Variants in TOR1AIP2 observed in about 807,000 individuals in gnomAD.
The protein encoded by TOR1AIP2 is torsin 1A interacting protein 2, also known as torsin-1A-interacting protein 2.
A neutral mutation model predicts 32.6 loss-of-function variants in TOR1AIP2; 20 were observed. The observed-to-expected ratio is 0.61, with a 90% CI of 0.43 to 0.89. The LOEUF is 0.89. Ranked by LOEUF, TOR1AIP2 falls within the 40% of genes least tolerant of loss-of-function variation. The probability of loss-of-function intolerance (pLI) is 0.00; values close to 1 mark genes in which losing one functional copy is unlikely to be tolerated. For missense variants in TOR1AIP2, 456 were observed against 553.8 expected (o/e 0.82, Z 1.77); for synonymous variants, 214 against 210.8 (o/e 1.02, Z -0.13).
At chr1:179,862,332 A>G in intron 3 of TOR1AIP2, 1 of 983,402 alleles carries the variant, frequency 1.0e-6, no homozygotes, top group Non-Finnish European at 1.2e-6. Context: ...TCATAATACT[A>G]TTCTCGAAAG....
chr1:179,867,685 A>G (rs1696838689), intron 2 of TOR1AIP2: 1 of 152,138 alleles, frequency 6.6e-6, no homozygotes, highest in African/African-American at 2.4e-5. Flanking sequence ...TATAGCAAAA[A>G]CCACTCCTCC....
At chr1:179,868,142 T>G (rs1441880065) in intron 2 of TOR1AIP2, 1 of 152,272 alleles carries the variant, frequency 6.6e-6, no homozygotes, top group African/African-American at 2.4e-5. Context: ...CCTATATCTC[T>G]GTTCATGTCA....
chr1:179,870,026 C>T (rs1696949356), intron 2 of TOR1AIP2, among the ~76,000 whole-genome samples: 1 of 152,104 alleles, frequency 6.6e-6, no homozygotes, highest in African/African-American at 2.4e-5. Context: ...AGAAATCACC[C>T]CTCATAATTT....
rs1006825668 is a variant in TOR1AIP2 at position 179,840,247 on chromosome 1, C to T, written c.*5824G>A. Reference sequence around the variant, plus strand: ...GTGCTCTCTGATGAACCAGGAGCAACTGCCTGGAGCTTTGTGTTGATGCGT... The same window carrying T: ...GTGCTCTCTGATGAACCAGGAGCAATTGCCTGGAGCTTTGTGTTGATGCGT... On this transcript the variant is annotated 3_prime_UTR_variant, in exon 7 of 7. Transcript: ENST00000609928. 2 of 152,208 alleles carry T rather than the reference C, an allele frequency of 1.3e-5. No individual in the cohort carries two copies. The highest frequency in any genetic ancestry group is 4.8e-5 in the African/African-American group (2 of 41,448). The allele number at this position is 152,208 out of a possible 1,614,324, so 9.4% of individuals were successfully genotyped here. A position where few individuals can be genotyped will look rare whatever the true frequency, so the allele number is the denominator to read the frequency against.
At chr1:179,867,940 T>G (rs1006261579) in intron 2 of TOR1AIP2, 2 of 152,168 alleles carry the variant, frequency 1.3e-5, no homozygotes, top group African/African-American at 4.8e-5. Context: ...CTCCAAATGC[T>G]CAAAATAATA....
chr1:179,849,135 C>CA (rs1696027668), intron 5 of TOR1AIP2, among the ~76,000 whole-genome samples: 1 of 149,192 alleles, frequency 6.7e-6, no homozygotes, highest in East Asian at 1.9e-4. Flanking sequence ...GACTCCATCT[C>CA]AAAAAAACAA....
rs551590889 is a variant in TOR1AIP2, at chr1:179,846,510, A to C, written c.974T>G (p.Val325Gly). The change falls in exon 7 of 7, where the codon GTC becomes GGC. Residue 325 changes from valine (V) to glycine (G), a missense_variant. Coordinates refer to ENST00000609928, the MANE Select transcript of TOR1AIP2 (RefSeq NM_001199260.2). Reference protein sequence around the residue: ...VADAYTSSQKVSPIQIDGAGR... With the variant: ...VADAYTSSQKGSPIQIDGAGR... ...AGCCCCATCAATCTGAATGGGAGAG[A>C]CTTTCTGGGAAGAGGTGTAGGCATC... is the stretch of plus-strand genomic sequence containing the variant. 1.9e-5 allele frequency: 30 copies of C among 1,614,078 alleles called. 2 individuals are homozygous for C. In the South Asian group the frequency reaches 3.2e-4, roughly 17 times the overall value.
At position 179,872,443 on chromosome 1, in the gene TOR1AIP2, C is replaced by CT. The variant is rs753602524; in HGVS notation, c.-566+4795dup. Among the ~76,000 whole-genome samples the CT allele has an allele frequency of 5.3e-4, 80 of 152,346 alleles. 1 individual carries two copies. Among genetic ancestry groups the CT allele is most frequent in the Non-Finnish European group, 9.4e-4 (64 of 68,030 alleles). On this transcript the variant is annotated intron_variant, in intron 2 of 6. Coordinates refer to ENST00000609928, the MANE Select transcript of TOR1AIP2 (RefSeq NM_001199260.2). ...AAATTTCTAAGTCTTGCCCACTCCT[C>CT]TGTACCATATCCACTGTCATAATAT...
intron 3 of TOR1AIP2, among the ~76,000 whole-genome samples, chr1:179,856,866 A>G (rs1696322116): frequency 6.6e-6 from 1 of 152,182 alleles, no homozygotes. Context: ...TGCCCGCCTC[A>G]GCCTCACAAA....
In TOR1AIP2 at chr1:179,851,128, G is replaced by A. The variant is rs1451933604; in HGVS notation, c.270C>T (p.Asn90=). 2 of 1,614,138 alleles carry A rather than the reference G, an allele frequency of 1.2e-6. No individual in the cohort carries two copies. The highest frequency in any genetic ancestry group is 1.7e-6 in the Non-Finnish European group (2 of 1,180,036). The change falls in exon 5 of 7, where the codon AAC becomes AAT. Residue 90 remains asparagine, a synonymous_variant. Coordinates refer to ENST00000609928, the MANE Select transcript of TOR1AIP2 (RefSeq NM_001199260.2). ...KHPKDKTEDE[N]KQSFLDGGKG... ...TTCCGCCATCCAGAAAACTCTGCTTGTTCTCATCTTCTGTTTTATCCTTTG... is the reference window on the plus strand; with the variant it reads ...TTCCGCCATCCAGAAAACTCTGCTTATTCTCATCTTCTGTTTTATCCTTTG...
At chr1:179,851,953 C>T (rs536089197) in intron 4 of TOR1AIP2, among the ~76,000 whole-genome samples, 10 of 152,256 alleles carry the variant, frequency 6.6e-5, no homozygotes, top group South Asian at 2.1e-4. Context: ...AAACCCAGCA[C>T]GTGGGAAATT....
In TOR1AIP2 at chr1:179,852,636, T is replaced by C. The variant is rs1164008452; in HGVS notation, c.30A>G (p.Gln10=). MADSGLREP[Q]EDSQKDLEND... is the part of the protein sequence containing the mutation. The stretch of plus-strand genomic sequence containing the variant: ...TGCCAGACAAATCAGTCTTACCCTC[T>C]TGAGGTTCCCTAAGTCCACTGTCGG... Residue 10 remains glutamine (Q), a synonymous_variant, in exon 4 of 7, where the codon CAA becomes CAG. Coordinates refer to ENST00000609928, the MANE Select transcript of TOR1AIP2 (RefSeq NM_001199260.2). 2.9e-5 allele frequency: 47 copies of C among 1,613,976 alleles called. No individual in the cohort carries two copies. The highest frequency in any genetic ancestry group is 3.9e-5 in the Non-Finnish European group (46 of 1,179,988).
intron 3 of TOR1AIP2, chr1:179,862,705 A>C (rs928351425): frequency 1.0e-6 from 1 of 954,464 alleles, no homozygotes; most frequent in Non-Finnish European, 1.2e-6. Flanking sequence ...GGGCAGGTGG[A>C]TCATCTGAGG....
chr1:179,870,214 T>C (rs969913991), intron 2 of TOR1AIP2, among the ~76,000 whole-genome samples: 5 of 152,032 alleles, frequency 3.3e-5, no homozygotes, highest in African/African-American at 1.2e-4. Flanking sequence ...GGCTAACACA[T>C]GGTGAAACCC....
intron 3 of TOR1AIP2, chr1:179,859,796 T>A (rs1696447511): frequency 1.0e-6 from 1 of 985,428 alleles, no homozygotes; most frequent in African/African-American, 1.7e-5. Context: ...CCCAAACCAA[T>A]CCTGTCCTTC....
chr1:179,866,517 A>C (rs953533985), intron 2 of TOR1AIP2, among the ~76,000 whole-genome samples: 4 of 152,098 alleles, frequency 2.6e-5, no homozygotes, highest in African/African-American at 9.7e-5. Flanking sequence ...GGTTCAAGCG[A>C]TTCTCCTGCT....
At chr1:179,851,926 C>G (rs944861103) in intron 4 of TOR1AIP2, among the ~76,000 whole-genome samples, 4 of 152,154 alleles carry the variant, frequency 2.6e-5, no homozygotes, top group African/African-American at 9.7e-5. Flanking sequence ...AATTATGCCT[C>G]AAGAATATAA....
In TOR1AIP2 at chr1:179,844,805, A is replaced by G. The variant is rs1695840183; in HGVS notation, c.*1266T>C. The G allele has an allele frequency of 6.6e-6, 1 of 152,244 alleles. No homozygotes were observed. 9.4% of individuals were successfully genotyped at this position (152,244 alleles called of 1,614,324 possible). The stretch of plus-strand genomic sequence containing the variant: ...ATGTTCCATCACTGCATAGAAATAA[A>G]CTGGTAAAGTTATGCCAAATGTTCA... On this transcript the variant is annotated 3_prime_UTR_variant, in exon 7 of 7. Coordinates refer to ENST00000609928, the MANE Select transcript of TOR1AIP2 (RefSeq NM_001199260.2).
At chr1:179,871,127 C>T (rs1221173043) in intron 2 of TOR1AIP2, among the ~76,000 whole-genome samples, 1 of 152,136 alleles carries the variant, frequency 6.6e-6, no homozygotes. Flanking sequence ...AAAAGATCCC[C>T]TGTAGAGATC....
Sources: gnomAD v4.1 joint callset for allele counts (sites outside exome capture counted in the v4.1 genomes callset) on GRCh38, gnomAD v4.1.1 for gene constraint, MANE v1.5 for transcripts, NCBI Gene and HGNC (gene_info 2026-07-23, HGNC 2026-07-21) for gene names.